The following INPP4B variants were observed in gnomAD, a reference collection of about 807,000 sequenced individuals.
The protein encoded by INPP4B is inositol polyphosphate-4-phosphatase type II B, also known as inositol polyphosphate 4-phosphatase type II.
Under a neutral mutation model 122.5 loss-of-function variants are expected in INPP4B, and 55 were observed. The ratio of observed to expected loss-of-function variants is 0.45; its 90% CI spans 0.36 to 0.56. INPP4B has a LOEUF of 0.56. Among genes scored for constraint, INPP4B ranks in the 20% least tolerant of loss-of-function variants. The pLI, the probability that INPP4B is intolerant of heterozygous loss-of-function variation, is 0.00. For missense variants in INPP4B, 1,000 were observed against 1,097.7 expected, an observed-to-expected ratio of 0.91 and a Z score of 1.26; for synonymous variants, 403 against 388.7, an observed-to-expected ratio of 1.04 and a Z score of -0.43.
At chr4:142,548,478 G>A (rs542227407) in intron 2 of INPP4B, among the ~76,000 whole-genome samples, 25 of 152,256 alleles carry the variant, frequency 1.6e-4, no homozygotes, top group Middle Eastern at 3.4e-3. Flanking sequence ...TGCTCTTGTC[G>A]TATAGAGGGA....
chr4:142,201,466 T>C (rs1039435133), intron 14 of INPP4B, among the ~76,000 whole-genome samples: 1 of 152,082 alleles, frequency 6.6e-6, no homozygotes, highest in African/African-American at 2.4e-5. Flanking sequence ...AATATCTCAA[T>C]GTGAAACAGC....
intron 11 of INPP4B, among the ~76,000 whole-genome samples, chr4:142,243,245 C>G (rs1328550007): frequency 6.6e-6 from 1 of 152,064 alleles, no homozygotes; most frequent in Non-Finnish European, 1.5e-5. Flanking sequence ...CCTAGTTTAC[C>G]TAAAGGAGGA....
intron 12 of INPP4B, among the ~76,000 whole-genome samples, chr4:142,214,534 A>G (rs1846233106): frequency 6.6e-6 from 1 of 152,214 alleles, no homozygotes; most frequent in Non-Finnish European, 1.5e-5. Flanking sequence ...TGAATCATAA[A>G]TATAGTTCAA....
intron 11 of INPP4B, among the ~76,000 whole-genome samples, chr4:142,256,918 A>T (rs1736489629): frequency 6.6e-6 from 1 of 152,176 alleles, no homozygotes; most frequent in Non-Finnish European, 1.5e-5. Flanking sequence ...AGAATTTTAG[A>T]CCAATATCTC....
intron 23 of INPP4B, among the ~76,000 whole-genome samples, chr4:142,096,388 A>T (rs1256215999): frequency 1.3e-5 from 2 of 152,186 alleles, no homozygotes; most frequent in Non-Finnish European, 2.9e-5. Flanking sequence ...ACATTGCAAC[A>T]TAGATAGTAA....
intron 25 of INPP4B, among the ~76,000 whole-genome samples, chr4:142,046,171 T>G (rs1444940399): frequency 6.6e-6 from 1 of 152,160 alleles, no homozygotes; most frequent in Non-Finnish European, 1.5e-5. Context: ...TCATAACTAT[T>G]GCATAATAAG....
intron 7 of INPP4B, among the ~76,000 whole-genome samples, chr4:142,352,145 C>T (rs1483435460): frequency 6.6e-6 from 1 of 151,866 alleles, no homozygotes; most frequent in African/African-American, 2.4e-5. Context: ...CTCCTGTCTG[C>T]CCAGCGAATG....
chr4:142,339,125 C>G (rs1203283291), intron 7 of INPP4B, among the ~76,000 whole-genome samples: 3 of 152,196 alleles, frequency 2.0e-5, no homozygotes, highest in African/African-American at 4.8e-5. Context: ...TCTTCCCTCC[C>G]TTTCCTTTTA....
intron 1 of INPP4B, among the ~76,000 whole-genome samples, chr4:142,746,116 C>A (rs904508051): frequency 2.6e-5 from 4 of 151,894 alleles, no homozygotes; most frequent in African/African-American, 9.7e-5. Flanking sequence ...TTATAGAATA[C>A]TATACTCAAC....
At chr4:142,613,866 T>C (rs1179787711) in intron 2 of INPP4B, among the ~76,000 whole-genome samples, 1 of 152,156 alleles carries the variant, frequency 6.6e-6, no homozygotes, top group South Asian at 2.1e-4. Context: ...TATTTGCAAA[T>C]GGTAAGTCCT....
At chr4:142,581,027 T>C (rs776815653) in intron 2 of INPP4B, among the ~76,000 whole-genome samples, 13 of 152,086 alleles carry the variant, frequency 8.5e-5, no homozygotes. Context: ...TTGTGAGATT[T>C]CTGGAAGAAA....
At chr4:142,650,667 C>G (rs1580621658) in intron 2 of INPP4B, among the ~76,000 whole-genome samples, 2 of 152,050 alleles carry the variant, frequency 1.3e-5, no homozygotes, top group South Asian at 2.1e-4. Context: ...ACAAGAAGAG[C>G]TAACTATCCT....
At chr4:142,730,026 T>C (rs1364246446) in intron 1 of INPP4B, among the ~76,000 whole-genome samples, 1 of 152,120 alleles carries the variant, frequency 6.6e-6, no homozygotes, top group Non-Finnish European at 1.5e-5. Context: ...GAGAGTCTCC[T>C]TGAAGAGCTC....
At chr4:142,454,673 C>T (rs1157974396) in intron 3 of INPP4B, among the ~76,000 whole-genome samples, 1 of 152,030 alleles carries the variant, frequency 6.6e-6, no homozygotes, top group Non-Finnish European at 1.5e-5. Context: ...TCCAAACAGC[C>T]TAGGCCTTTT....
At chr4:142,167,519 T>A (rs562573149) in intron 16 of INPP4B, among the ~76,000 whole-genome samples, 1 of 151,918 alleles carries the variant, frequency 6.6e-6, no homozygotes, top group East Asian at 1.9e-4. Context: ...GTAACAAACC[T>A]GCACGTACTG....
intron 12 of INPP4B, among the ~76,000 whole-genome samples, chr4:142,211,082 T>C (rs148531453): frequency 4.9e-4 from 74 of 152,210 alleles, no homozygotes; most frequent in Middle Eastern, 3.4e-3. Flanking sequence ...GTAAAAAAGG[T>C]ACGCATTCTG....
At chr4:142,351,553 A>G (rs1192270661) in intron 7 of INPP4B, among the ~76,000 whole-genome samples, 1 of 152,004 alleles carries the variant, frequency 6.6e-6, no homozygotes, top group African/African-American at 2.4e-5. Context: ...TCACTTGATA[A>G]GAGAAAAACC....
At chr4:142,086,994 A>T (rs1293947432) in intron 23 of INPP4B, among the ~76,000 whole-genome samples, 1 of 152,206 alleles carries the variant, frequency 6.6e-6, no homozygotes, top group African/African-American at 2.4e-5. Flanking sequence ...AGTTCAAATA[A>T]GACACATGAA....
chr4:142,336,108 A>G (rs1438611011), intron 7 of INPP4B, among the ~76,000 whole-genome samples: 1 of 152,160 alleles, frequency 6.6e-6, no homozygotes, highest in Non-Finnish European at 1.5e-5. Context: ...TCTCACACAG[A>G]GGGCTACCCA....
Sources: gnomAD v4.1 joint callset for allele counts (sites outside exome capture counted in the v4.1 genomes callset) on GRCh38, gnomAD v4.1.1 for gene constraint, MANE v1.5 for transcripts, NCBI Gene and HGNC (gene_info 2026-07-23, HGNC 2026-07-21) for gene names.